ATP2C2: variants seen among roughly 807,000 people sequenced by gnomAD.
ATP2C2 encodes the protein ATPase secretory pathway Ca2+ transporting 2.
A neutral mutation model predicts 110.8 loss-of-function variants in ATP2C2; 171 were observed. The observed-to-expected ratio is 1.54, with a 90% CI of 1.36 to 1.75. The LOEUF (loss-of-function observed/expected upper bound fraction) is 1.75. ATP2C2 is among the 40% of genes most tolerant of loss of function. ATP2C2 has a pLI of 0.00. For missense variants in ATP2C2, 1,963 were observed against 1,235.0 expected, an observed-to-expected ratio of 1.59 and a Z score of -8.84; for synonymous variants, 804 against 508.4, an observed-to-expected ratio of 1.58 and a Z score of -7.82.
chr16:84,453,276 C>T (rs1261073297), intron 19 of ATP2C2, 41 bp downstream of exon 19: 7 of 1,614,098 alleles, frequency 4.3e-6, no homozygotes, highest in Non-Finnish European at 5.1e-6. Flanking sequence ...GGCTGGGTCA[C>T]AGCTTTGAAA....
intron 16 of ATP2C2, among the ~76,000 whole-genome samples, chr16:84,447,738 TATATA>T (rs2150576771): frequency 6.9e-6 from 1 of 145,924 alleles, no homozygotes; most frequent in African/African-American, 2.5e-5. Flanking sequence ...ATATATTAGT[TATATA>T]TAATATATAA....
chr16:84,390,684 GTGTT>G (rs1245842468), intron 1 of ATP2C2, among the ~76,000 whole-genome samples: 1 of 152,174 alleles, frequency 6.6e-6, no homozygotes, highest in African/African-American at 2.4e-5. Context: ...GGCGGTGAAA[GTGTT>G]TGGGGATGAG....
intron 6 of ATP2C2, among the ~76,000 whole-genome samples, chr16:84,412,779 TG>T (rs201435809): frequency 0.017 from 2,657 of 152,198 alleles, 29 homozygotes; most frequent in Middle Eastern, 0.051. Flanking sequence ...CGAACATACC[TG>T]GCTGCTCAAA....
chr16:84,449,552 G>A (rs1419248114), intron 17 of ATP2C2, among the ~76,000 whole-genome samples: 1 of 152,152 alleles, frequency 6.6e-6, no homozygotes, highest in Non-Finnish European at 1.5e-5. Context: ...TGGAAGAGAC[G>A]GTGAATCCCA....
At chr16:84,390,249 G>A (rs1182779051) in intron 1 of ATP2C2, among the ~76,000 whole-genome samples, 3 of 152,246 alleles carry the variant, frequency 2.0e-5, no homozygotes, top group Non-Finnish European at 2.9e-5. Context: ...CCACAGCGGG[G>A]CTGGACTGAG....
chr16:84,395,407 G>A (rs1266141490), intron 1 of ATP2C2, among the ~76,000 whole-genome samples: 1 of 151,882 alleles, frequency 6.6e-6, no homozygotes, highest in Non-Finnish European at 1.5e-5. Context: ...CGTGACAAAG[G>A]TTGGGGGCAC....
intron 13 of ATP2C2, 22 bp from the exon 14 acceptor site, chr16:84,440,835 T>G (rs753506369): frequency 8.8e-6 from 14 of 1,592,956 alleles, no homozygotes; most frequent in Non-Finnish European, 1.0e-5. Flanking sequence ...GGCGAAACCC[T>G]TTCTTCTGCC....
chr16:84,379,119 C>A (rs1302167455), intron 1 of ATP2C2, among the ~76,000 whole-genome samples: 1 of 150,546 alleles, frequency 6.6e-6, no homozygotes, highest in African/African-American at 2.4e-5. Flanking sequence ...CTTCCCCTCT[C>A]TTCCCCTCCT....
At chr16:84,445,937 C>T (rs991377316) in intron 15 of ATP2C2, among the ~76,000 whole-genome samples, 1 of 152,174 alleles carries the variant, frequency 6.6e-6, no homozygotes, top group African/African-American at 2.4e-5. Context: ...CTGGCAAGGA[C>T]CCCAGGCTGT....
chr16:84,454,351 G>C (rs1464834432), intron 20 of ATP2C2, among the ~76,000 whole-genome samples: 2 of 152,186 alleles, frequency 1.3e-5, no homozygotes, highest in African/African-American at 4.8e-5. Flanking sequence ...TGCTCTGAAA[G>C]TTTGCTCTTG....
chr16:84,415,413 C>T, intron 6 of ATP2C2, 70 bp from the exon 7 acceptor site: 1 of 1,258,266 alleles, frequency 7.9e-7, no homozygotes, highest in South Asian at 1.2e-5. Context: ...TCTCCTTGTT[C>T]AAATGTATCA....
intron 18 of ATP2C2, 44 bp from the exon 19 acceptor site, chr16:84,453,094 G>GA: frequency 1.3e-6 from 2 of 1,553,380 alleles, no homozygotes; most frequent in Non-Finnish European, 1.7e-6. Context: ...GAGGGGTGGG[G>GA]ACGCGGGCCT....
intron 6 of ATP2C2, among the ~76,000 whole-genome samples, chr16:84,412,770 G>A (rs927147386): frequency 3.3e-5 from 5 of 151,792 alleles, no homozygotes; most frequent in Non-Finnish European, 5.9e-5. Context: ...TGTCTTTCCC[G>A]AACATACCTG....
chr16:84,445,891 G>A (rs535193775), intron 15 of ATP2C2, among the ~76,000 whole-genome samples: 1 of 152,194 alleles, frequency 6.6e-6, no homozygotes, highest in Non-Finnish European at 1.5e-5. Context: ...TCACATCACT[G>A]ATCCAAAAGC....
intron 2 of ATP2C2, among the ~76,000 whole-genome samples, chr16:84,400,596 G>T (rs2151418576): frequency 6.6e-6 from 1 of 152,192 alleles, no homozygotes; most frequent in South Asian, 2.1e-4. Flanking sequence ...CAAAGTGCTG[G>T]GATTACAGGC....
chr16:84,435,265 GATTA>G (rs1229048789), intron 11 of ATP2C2, among the ~76,000 whole-genome samples: 1 of 152,216 alleles, frequency 6.6e-6, no homozygotes, highest in African/African-American at 2.4e-5. Flanking sequence ...TGGTGTTACT[GATTA>G]ATTGGCAGTG....
In ATP2C2 at chr16:84,398,510, G is replaced by A. The variant is rs1044064731; in HGVS notation, c.111G>A (p.Gln37=). ...TGCTCTTTTCACAGATTGATGAACA[G>A]AGTGAGCTGAAAGCCATCGAGAAAG... ...KDEEEALIDE[Q]SELKAIEKEK... is the part of the protein sequence containing the mutation. The change falls in exon 2 of 27, where the codon CAG becomes CAA. Residue 37 remains glutamine, a synonymous_variant. Coordinates refer to ENST00000262429, the MANE Select transcript of ATP2C2 (RefSeq NM_014861.4). The A allele has an allele frequency of 1.9e-6, 3 of 1,611,354 alleles. No homozygotes were observed. Among genetic ancestry groups the A allele is most frequent in the African/African-American group, 1.3e-5 (1 of 74,734 alleles).
At chr16:84,440,087 C>G (rs1375797203) in intron 13 of ATP2C2, among the ~76,000 whole-genome samples, 2 of 152,266 alleles carry the variant, frequency 1.3e-5, no homozygotes, top group African/African-American at 2.4e-5. Flanking sequence ...ATCCGCCCGC[C>G]TTGGCCTCCC....
rs566968671 is a variant in ATP2C2 at position 84,463,926 on chromosome 16, G to A, written c.*194G>A. The A allele has an allele frequency of 1.2e-5, 7 of 573,474 alleles. No individual in the cohort carries two copies. The highest frequency in any genetic ancestry group is 4.4e-5 in the South Asian group (2 of 45,840). 35.5% of individuals were successfully genotyped at this position (573,474 alleles called of 1,614,324 possible). A position where few individuals can be genotyped will look rare whatever the true frequency, so the allele number is the denominator to read the frequency against. ...AGGCCCACATCCATCCAGCGTTCCCGCTGGCTGTGGGACAGACAGGGAGGG... is the reference window on the plus strand; with the variant it reads ...AGGCCCACATCCATCCAGCGTTCCCACTGGCTGTGGGACAGACAGGGAGGG... On this transcript the variant is annotated 3_prime_UTR_variant, in exon 27 of 27. Coordinates refer to ENST00000262429, the MANE Select transcript of ATP2C2 (RefSeq NM_014861.4).
Sources: gnomAD v4.1 joint callset for allele counts (sites outside exome capture counted in the v4.1 genomes callset) on GRCh38, gnomAD v4.1.1 for gene constraint, MANE v1.5 for transcripts, NCBI Gene and HGNC (gene_info 2026-07-23, HGNC 2026-07-21) for gene names.